Variants in BTBD9 observed in about 807,000 individuals in gnomAD.
BTBD9 encodes BTB domain containing 9.
BTBD9 carries 49 observed loss-of-function variants against 64.3 expected under a neutral mutation model. That is an observed-to-expected ratio of 0.76 (90% CI 0.61 to 0.97). The LOEUF (loss-of-function observed/expected upper bound fraction) is 0.97. Ranked by LOEUF, BTBD9 falls within the 50% of genes least tolerant of loss-of-function variation. The pLI, the probability that BTBD9 is intolerant of heterozygous loss-of-function variation, is 0.00. For missense variants in BTBD9, 598 were observed against 762.1 expected (o/e 0.78, Z 2.53); for synonymous variants, 260 against 274.7 (o/e 0.95, Z 0.53).
rs571689674 is a variant in BTBD9, at chr6:38,219,834, G to C, written c.1563-27237C>G. ...AATTATAAATCGTTTCAAACACTAAGGAGGGCATTTGGCTATCTCTGCCAT... is the reference window on the plus strand; with the variant it reads ...AATTATAAATCGTTTCAAACACTAACGAGGGCATTTGGCTATCTCTGCCAT... On this transcript the variant is annotated intron_variant, in intron 9 of 10. Coordinates refer to ENST00000481247, the MANE Select transcript of BTBD9 (RefSeq NM_001099272.2). Among the ~76,000 whole-genome samples the C allele has an allele frequency of 5.9e-5, 9 of 152,284 alleles. 1 individual carries two copies. The South Asian group carries it at 1.9e-3, about 32-fold the overall frequency.
intron 6 of BTBD9, among the ~76,000 whole-genome samples, chr6:38,455,188 A>G (rs994921999): frequency 1.3e-5 from 2 of 152,208 alleles, no homozygotes; most frequent in African/African-American, 4.8e-5. Context: ...CTATGAGTTT[A>G]AAAAATGCAG....
intron 8 of BTBD9, among the ~76,000 whole-genome samples, chr6:38,281,408 G>A (rs1210501402): frequency 2.0e-5 from 3 of 152,026 alleles, no homozygotes; most frequent in Non-Finnish European, 2.9e-5. Context: ...AGATGAATAA[G>A]GACCACAGTG....
chr6:38,273,400 G>A (rs571701770), intron 8 of BTBD9, among the ~76,000 whole-genome samples: 1 of 152,244 alleles, frequency 6.6e-6, no homozygotes, highest in South Asian at 2.1e-4. Flanking sequence ...CTGGACTACG[G>A]TCCAGCTGCA....
chr6:38,632,476 A>C (rs1778394591), intron 1 of BTBD9, among the ~76,000 whole-genome samples: 1 of 152,266 alleles, frequency 6.6e-6, no homozygotes, highest in Non-Finnish European at 1.5e-5. Flanking sequence ...TGTGCAGAGA[A>C]GGGAGATTAG....
intron 9 of BTBD9, among the ~76,000 whole-genome samples, chr6:38,218,527 C>T (rs61233899): frequency 0.014 from 2,070 of 152,314 alleles, 49 homozygotes; most frequent in African/African-American, 0.046. Context: ...TGCCAGATGT[C>T]CCCTGGGATT....
intron 8 of BTBD9, among the ~76,000 whole-genome samples, chr6:38,261,086 C>T (rs1025012098): frequency 2.6e-5 from 4 of 151,990 alleles, no homozygotes; most frequent in African/African-American, 9.7e-5. Context: ...ACTACAGGTG[C>T]ACACCACCAC....
chr6:38,639,041 CA>C, intron 1 of BTBD9, among the ~76,000 whole-genome samples: 1 of 152,302 alleles, frequency 6.6e-6, no homozygotes, highest in South Asian at 2.1e-4. Flanking sequence ...TTAGGAAAAA[CA>C]AACAAAACAT....
At chr6:38,248,844 G>A (rs774079665) in intron 9 of BTBD9, among the ~76,000 whole-genome samples, 15 of 152,180 alleles carry the variant, frequency 9.9e-5, no homozygotes, top group Non-Finnish European at 1.9e-4. Flanking sequence ...GGTGAATTTC[G>A]AGAAAATGAT....
Position 38,168,576 on chromosome 6 carries a change from G to C in BTBD9, c.*6409C>G, listed in dbSNP as rs1239876720. ...GGTTGCTCTGCAAAATGAGGAAGAA[G>C]CCGCATCGTGCTCACAAATAATACA... On this transcript the variant is annotated 3_prime_UTR_variant, in exon 11 of 11. Coordinates refer to ENST00000481247, the MANE Select transcript of BTBD9 (RefSeq NM_001099272.2). 2 of 152,294 alleles carry C rather than the reference G, an allele frequency of 1.3e-5. No individual in the cohort carries two copies. The highest frequency in any genetic ancestry group is 2.9e-5 in the Non-Finnish European group (2 of 68,074). The allele number at this position is 152,294 out of a possible 1,614,324, so 9.4% of individuals were successfully genotyped here. A position where few individuals can be genotyped will look rare whatever the true frequency, so the allele number is the denominator to read the frequency against.
chr6:38,221,917 G>C (rs902701305), intron 9 of BTBD9, among the ~76,000 whole-genome samples: 1 of 152,142 alleles, frequency 6.6e-6, no homozygotes, highest in Non-Finnish European at 1.5e-5. Flanking sequence ...CTTGAACCTG[G>C]GAGGCGGAGG....
rs765387766 is a variant in BTBD9, at chr6:38,594,184, A to C, written c.329T>G (p.Leu110Arg). The C allele has an allele frequency of 1.2e-6, 2 of 1,614,222 alleles. No homozygotes were observed. The highest frequency in any genetic ancestry group is 8.5e-7 in the Non-Finnish European group (1 of 1,180,032). Residue 110 changes from leucine (L) to arginine (R), a missense_variant, in exon 3 of 11, where the codon CTG becomes CGG. Physicochemically the swap from Leu to Arg is moderately radical, Grantham distance 102. Coordinates refer to ENST00000481247, the MANE Select transcript of BTBD9 (RefSeq NM_001099272.2). ...ATLTDEKEEV[L>R]LDFLSLAHKY... ...ATGAGCCAGGCTCAAAAAGTCCAGC[A>C]GCACCTCCTCCTTCTCATCTGTCAG...
intron 9 of BTBD9, among the ~76,000 whole-genome samples, chr6:38,247,544 AG>A (rs1764252012): frequency 6.6e-6 from 1 of 152,174 alleles, no homozygotes; most frequent in Admixed American, 6.5e-5. Flanking sequence ...TCCCAACATT[AG>A]GTTGCTGTAG....
At chr6:38,553,854 TAA>T (rs879386136) in intron 6 of BTBD9, among the ~76,000 whole-genome samples, 4 of 141,416 alleles carry the variant, frequency 2.8e-5, no homozygotes, top group Non-Finnish European at 1.6e-5. Context: ...CCTTGTCCCT[TAA>T]AAAAAAAAAA....
intron 7 of BTBD9, among the ~76,000 whole-genome samples, chr6:38,322,394 T>C (rs1203201843): frequency 6.6e-6 from 1 of 152,248 alleles, no homozygotes; most frequent in Non-Finnish European, 1.5e-5. Flanking sequence ...ACTTACCTAA[T>C]GCATTCTTGA....
intron 6 of BTBD9, among the ~76,000 whole-genome samples, chr6:38,431,934 A>G (rs1036570356): frequency 3.3e-5 from 5 of 151,872 alleles, no homozygotes; most frequent in African/African-American, 4.9e-5. Flanking sequence ...CTCAGAATTC[A>G]TGTGTTGGAA....
chr6:38,253,655 A>G (rs1204549409), intron 9 of BTBD9, among the ~76,000 whole-genome samples: 2 of 152,238 alleles, frequency 1.3e-5, no homozygotes, highest in African/African-American at 4.8e-5. Flanking sequence ...GCTTTGAGGA[A>G]GTACAAGGTC....
At chr6:38,491,228 G>A (rs1029860195) in intron 6 of BTBD9, among the ~76,000 whole-genome samples, 2 of 152,224 alleles carry the variant, frequency 1.3e-5, no homozygotes, top group Admixed American at 1.3e-4. Context: ...CCTCTGTCCC[G>A]TGGAAATACC....
chr6:38,577,206 C>T (rs1776078623), intron 6 of BTBD9, among the ~76,000 whole-genome samples: 1 of 152,208 alleles, frequency 6.6e-6, no homozygotes, highest in Non-Finnish European at 1.5e-5. Context: ...CCAGGGAAGA[C>T]TCCAGAAATA....
chr6:38,544,822 G>A (rs1774453126), intron 6 of BTBD9, among the ~76,000 whole-genome samples: 1 of 150,270 alleles, frequency 6.7e-6, no homozygotes. Flanking sequence ...AGCTAGTTGG[G>A]AGGCTAAGGC....
Sources: allele counts gnomAD v4.1 joint callset (sites outside exome capture counted in the v4.1 genomes callset), GRCh38; gene constraint gnomAD v4.1.1; transcripts MANE v1.5; gene names NCBI Gene and HGNC (gene_info 2026-07-23, HGNC 2026-07-21).